Variants in DPP6 observed in about 807,000 individuals in gnomAD.
DPP6 encodes the protein dipeptidyl peptidase like 6.
In DPP6, 69 loss-of-function variants were observed where a neutral mutation model predicts 122.6. That is an observed-to-expected ratio of 0.56 (90% confidence interval 0.46 to 0.69). DPP6 has a LOEUF of 0.69. Among genes scored for constraint, DPP6 ranks in the 30% least tolerant of loss-of-function variants. The probability of loss-of-function intolerance (pLI) is 0.00; values close to 1 mark genes in which losing one functional copy is unlikely to be tolerated. For missense variants in DPP6, 928 were observed against 1,116.9 expected (o/e 0.83, Z 2.41); for synonymous variants, 418 against 433.1 (o/e 0.97, Z 0.43).
intron 10 of DPP6, among the ~76,000 whole-genome samples, chr7:154,787,921 A>G (rs1271274521): frequency 1.3e-5 from 2 of 151,994 alleles, no homozygotes; most frequent in African/African-American, 4.8e-5. Flanking sequence ...TTTTGTTTTT[A>G]GCCTTCTTTT....
chr7:154,339,190 C>A (rs758363828), intron 1 of DPP6, among the ~76,000 whole-genome samples: 1 of 152,198 alleles, frequency 6.6e-6, no homozygotes, highest in Non-Finnish European at 1.5e-5. Context: ...GCCACTTTTT[C>A]TTCTTTGGCA....
intron 1 of DPP6, among the ~76,000 whole-genome samples, chr7:154,134,712 G>A (rs1403150650): frequency 6.6e-6 from 1 of 152,118 alleles, no homozygotes; most frequent in African/African-American, 2.4e-5. Context: ...TACACTTCCT[G>A]TGAGCTTACA....
intron 16 of DPP6, among the ~76,000 whole-genome samples, chr7:154,847,940 G>C (rs1372375286): frequency 6.6e-6 from 1 of 152,116 alleles, no homozygotes; most frequent in East Asian, 1.9e-4. Flanking sequence ...TCCTATGCCT[G>C]GCTTATTTCA....
At chr7:154,248,016 A>C (rs534706968) in intron 1 of DPP6, among the ~76,000 whole-genome samples, 19 of 152,294 alleles carry the variant, frequency 1.2e-4, no homozygotes, top group African/African-American at 4.6e-4. Context: ...GTTCGAGACC[A>C]GGGTGTCAGC....
chr7:153,823,670 G>A, the DPP6 span, among the ~76,000 whole-genome samples: 13 of 151,316 alleles, frequency 8.6e-5, no homozygotes, highest in Non-Finnish European at 1.6e-4. Flanking sequence ...CAGGGTGTGA[G>A]GGGTTGTCTG....
At chr7:153,911,599 G>A (rs1028739321) in intron 1 of DPP6, among the ~76,000 whole-genome samples, 7 of 152,218 alleles carry the variant, frequency 4.6e-5, no homozygotes, top group African/African-American at 1.7e-4. Flanking sequence ...AATGGAAAGT[G>A]ATTGCAAAGT....
intron 1 of DPP6, among the ~76,000 whole-genome samples, chr7:154,012,484 A>G (rs963710756): frequency 1.3e-5 from 2 of 152,200 alleles, no homozygotes; most frequent in African/African-American, 4.8e-5. Flanking sequence ...TTTTGAAATT[A>G]AAAACTTTTG....
At chr7:154,312,153 T>C (rs2150999957) in intron 1 of DPP6, among the ~76,000 whole-genome samples, 1 of 152,324 alleles carries the variant, frequency 6.6e-6, no homozygotes, top group East Asian at 1.9e-4. Context: ...CATTCTGTGT[T>C]CACATTAGAG....
At chr7:153,942,278 TCTC>T (rs1421811806) in intron 1 of DPP6, among the ~76,000 whole-genome samples, 1 of 152,230 alleles carries the variant, frequency 6.6e-6, no homozygotes, top group Non-Finnish European at 1.5e-5. Context: ...GGATTTTGCC[TCTC>T]CTCTCCTTGC....
intron 1 of DPP6, among the ~76,000 whole-genome samples, chr7:153,948,335 A>G (rs1315584235): frequency 2.6e-5 from 4 of 152,192 alleles, no homozygotes; most frequent in African/African-American, 9.7e-5. Context: ...AAGCATTGTT[A>G]TGTACGGGTG....
chr7:154,585,579 C>T (rs1024375382), intron 5 of DPP6, among the ~76,000 whole-genome samples: 2 of 152,188 alleles, frequency 1.3e-5, no homozygotes, highest in Non-Finnish European at 2.9e-5. Context: ...AGCTCAAGCG[C>T]CTTAGGTAAA....
At chr7:154,234,889 C>T (rs1044666858) in intron 1 of DPP6, among the ~76,000 whole-genome samples, 8 of 152,162 alleles carry the variant, frequency 5.3e-5, no homozygotes, top group Non-Finnish European at 1.0e-4. Flanking sequence ...GGAACAGAGC[C>T]GGCCCTGGGA....
intron 1 of DPP6, among the ~76,000 whole-genome samples, chr7:153,920,485 T>C (rs1443351116): frequency 6.6e-6 from 1 of 151,726 alleles, no homozygotes; most frequent in Non-Finnish European, 1.5e-5. Context: ...TGTTCCAGAA[T>C]GGGTTGTAGA....
intron 1 of DPP6, among the ~76,000 whole-genome samples, chr7:154,006,545 T>C (rs982426933): frequency 3.9e-5 from 6 of 152,170 alleles, no homozygotes; most frequent in African/African-American, 1.4e-4. Flanking sequence ...AGCAAAGGAT[T>C]GTGTAATTCG....
intron 8 of DPP6, among the ~76,000 whole-genome samples, chr7:154,730,631 A>G (rs892279577): frequency 6.6e-6 from 1 of 152,248 alleles, no homozygotes; most frequent in Non-Finnish European, 1.5e-5. Context: ...TATCAAGGCA[A>G]TGTTACCCAG....
At chr7:154,842,232 T>C (rs879043373) in intron 16 of DPP6, among the ~76,000 whole-genome samples, 1 of 152,236 alleles carries the variant, frequency 6.6e-6, no homozygotes, top group Admixed American at 6.5e-5. Context: ...ATATCAGTGG[T>C]GCCAGCCAGG....
At chr7:154,304,356 A>G (rs1806113098) in intron 1 of DPP6, among the ~76,000 whole-genome samples, 1 of 152,184 alleles carries the variant, frequency 6.6e-6, no homozygotes. Context: ...TGCCACCTGC[A>G]TTTCCGCTCT....
the DPP6 span, among the ~76,000 whole-genome samples, chr7:153,877,434 C>T: frequency 1.3e-5 from 2 of 152,100 alleles, no homozygotes; most frequent in Non-Finnish European, 2.9e-5. Flanking sequence ...TATCGCTATA[C>T]TTTTAAACAA....
chr7:154,655,419 C>T (rs1837171450), intron 6 of DPP6, among the ~76,000 whole-genome samples: 1 of 150,092 alleles, frequency 6.7e-6, no homozygotes. Flanking sequence ...CTTTATTCTT[C>T]CTTCATCATT....
Sources: allele counts gnomAD v4.1 joint callset (sites outside exome capture counted in the v4.1 genomes callset), GRCh38; gene constraint gnomAD v4.1.1; transcripts MANE v1.5; gene names NCBI Gene and HGNC (gene_info 2026-07-23, HGNC 2026-07-21).